The following AK5 variants were observed in gnomAD, a reference collection of about 807,000 sequenced individuals.
The protein encoded by AK5 is adenylate kinase isoenzyme 5.
Under a neutral mutation model 69.5 loss-of-function variants are expected in AK5, and 27 were observed. The observed-to-expected ratio is 0.39, with a 90% CI of 0.29 to 0.54. The LOEUF is 0.54. Among genes scored for constraint, AK5 ranks in the 20% least tolerant of loss-of-function variants. AK5 has a pLI of 0.71. For missense variants in AK5, 531 were observed against 700.4 expected (o/e 0.76, Z 2.73); for synonymous variants, 260 against 244.4 (o/e 1.06, Z -0.60).
At chr1:77,475,181 ATATATATATATATATG>A (rs1392226611) in intron 8 of AK5, among the ~76,000 whole-genome samples, 16 of 61,858 alleles carry the variant, frequency 2.6e-4, no homozygotes, top group East Asian at 8.1e-4. Context: ...ATATATATAT[ATATATATATATATATG>A]TGTGTGTGTG....
chr1:77,481,463 C>G (rs1042062157), intron 8 of AK5, among the ~76,000 whole-genome samples: 2 of 152,218 alleles, frequency 1.3e-5, no homozygotes, highest in Non-Finnish European at 1.5e-5. Flanking sequence ...GTTAATAGCT[C>G]TTCTCTTACC....
chr1:77,426,632 G>A (rs1651228509), intron 8 of AK5, among the ~76,000 whole-genome samples: 2 of 152,104 alleles, frequency 1.3e-5, no homozygotes, highest in Admixed American at 6.5e-5. Flanking sequence ...AACACCACCA[G>A]TCAACTGGAT....
At chr1:77,551,956 A>G (rs1659844470) in intron 13 of AK5, among the ~76,000 whole-genome samples, 1 of 152,214 alleles carries the variant, frequency 6.6e-6, no homozygotes, top group South Asian at 2.1e-4. Context: ...GATGTTGACA[A>G]AGGTTCTCTG....
chr1:77,329,817 A>G (rs983103113), intron 5 of AK5, among the ~76,000 whole-genome samples: 4 of 152,132 alleles, frequency 2.6e-5, no homozygotes, highest in Non-Finnish European at 4.4e-5. Context: ...TTGCCGTGCT[A>G]TTGTCACAAA....
chr1:77,535,951 C>G lies in AK5; in HGVS notation c.1533C>G (p.Thr511=). 1 of 1,614,114 alleles carries G rather than the reference C, an allele frequency of 6.2e-7. No individual in the cohort carries two copies. The highest frequency in any genetic ancestry group is 8.5e-7 in the Non-Finnish European group (1 of 1,180,024). Residue 511 remains threonine (T), a synonymous_variant, in exon 13 of 14, where the codon ACC becomes ACG. Transcript: ENST00000354567. ...SRSSLPVDDT[T]KTIAKRLEAY... ...GCAGCCTGCCTGTGGACGACACCAC[C>G]AAGACCATCGCCAAGCGCCTAGAAG...
intron 8 of AK5, among the ~76,000 whole-genome samples, chr1:77,436,866 C>T (rs1471593935): frequency 1.3e-5 from 2 of 152,034 alleles, no homozygotes; most frequent in Non-Finnish European, 2.9e-5. Flanking sequence ...AACTAAGAAC[C>T]ATAAAGTTAA....
At chr1:77,363,774 C>T (rs1646905229) in intron 6 of AK5, among the ~76,000 whole-genome samples, 2 of 152,128 alleles carry the variant, frequency 1.3e-5, no homozygotes, top group African/African-American at 4.8e-5. Flanking sequence ...AGTCTTTGTT[C>T]AAATGTTACC....
At chr1:77,537,164 T>C (rs1210319797) in intron 13 of AK5, among the ~76,000 whole-genome samples, 1 of 150,942 alleles carries the variant, frequency 6.6e-6, no homozygotes, top group East Asian at 1.9e-4. Flanking sequence ...TTTCCTCCAG[T>C]GTAAGGGGAA....
At chr1:77,486,486 G>C in intron 10 of AK5, 134 bp downstream of exon 10, 1 of 536,632 alleles carries the variant, frequency 1.9e-6, no homozygotes. Context: ...ACGAGGTCAG[G>C]AGATCGAGAC....
At chr1:77,324,284 G>C (rs1660675356) in intron 5 of AK5, among the ~76,000 whole-genome samples, 1 of 124,026 alleles carries the variant, frequency 8.1e-6, no homozygotes, top group Non-Finnish European at 1.7e-5. Context: ...AATTAATTAA[G>C]TGTGGAACAT....
chr1:77,478,931 T>G (rs927015797), intron 8 of AK5, among the ~76,000 whole-genome samples: 10 of 152,112 alleles, frequency 6.6e-5, no homozygotes, highest in Non-Finnish European at 1.2e-4. Context: ...AAAGTAGTTT[T>G]TTTTTTTTTT....
chr1:77,516,247 C>T (rs1029124796), intron 10 of AK5, among the ~76,000 whole-genome samples: 5 of 152,010 alleles, frequency 3.3e-5, no homozygotes, highest in Non-Finnish European at 5.9e-5. Flanking sequence ...CTCACGTGTA[C>T]GTGGAATCAT....
At chr1:77,549,392 C>T (rs1659697926) in intron 13 of AK5, among the ~76,000 whole-genome samples, 1 of 152,052 alleles carries the variant, frequency 6.6e-6, no homozygotes, top group Non-Finnish European at 1.5e-5. Flanking sequence ...ATGTTAGGAT[C>T]ACGTCAGGGT....
chr1:77,475,803 T>C (rs1228136168), intron 8 of AK5, among the ~76,000 whole-genome samples: 1 of 151,972 alleles, frequency 6.6e-6, no homozygotes, highest in Non-Finnish European at 1.5e-5. Context: ...ATGGGAACTT[T>C]GCCCCTTCCT....
intron 6 of AK5, among the ~76,000 whole-genome samples, chr1:77,375,256 G>A (rs967971780): frequency 9.7e-5 from 13 of 134,506 alleles, no homozygotes; most frequent in Non-Finnish European, 1.5e-4. Flanking sequence ...ATCAACCTAA[G>A]CAGGAATTAC....
At chr1:77,413,263 GA>G (rs1042391854) in intron 7 of AK5, among the ~76,000 whole-genome samples, 1 of 152,026 alleles carries the variant, frequency 6.6e-6, no homozygotes, top group Non-Finnish European at 1.5e-5. Flanking sequence ...TCTCTGCTTA[GA>G]AAATGCCTCT....
rs946589229 is a variant in AK5 at position 77,548,966 on chromosome 1, C to T, written c.1621-9636C>T. On this transcript the variant is annotated intron_variant, in intron 13 of 13. Coordinates refer to ENST00000354567, the MANE Select transcript of AK5 (RefSeq NM_174858.3). ...ACTCTGCTCACTGCAACCTCCGCCTCTCGGGGTCAAGCGATTCTCCTGCCT... is the reference window on the plus strand; with the variant it reads ...ACTCTGCTCACTGCAACCTCCGCCTTTCGGGGTCAAGCGATTCTCCTGCCT... 2.1e-5 allele frequency among the ~76,000 whole-genome samples: 3 copies of T among 139,984 alleles called. No homozygotes were observed. In the East Asian group the frequency reaches 6.5e-4, roughly 30 times the overall value. The allele number at this position is 139,984 out of a possible 152,430, so 91.8% of individuals were successfully genotyped here. A position where few individuals can be genotyped will look rare whatever the true frequency, so the allele number is the denominator to read the frequency against.
At chr1:77,521,101 T>C (rs1657954617) in intron 11 of AK5, among the ~76,000 whole-genome samples, 1 of 152,072 alleles carries the variant, frequency 6.6e-6, no homozygotes, top group African/African-American at 2.4e-5. Context: ...TCAAATTTTA[T>C]AAAATATTTA....
intron 8 of AK5, chr1:77,417,966 A>C (rs1469284362): frequency 3.0e-6 from 1 of 337,000 alleles, no homozygotes; most frequent in Non-Finnish European, 5.5e-6. Context: ...TTAACATGGG[A>C]TAGAAATGAG....
Sources: allele counts gnomAD v4.1 joint callset (sites outside exome capture counted in the v4.1 genomes callset), GRCh38; gene constraint gnomAD v4.1.1; transcripts MANE v1.5; gene names NCBI Gene and HGNC (gene_info 2026-07-23, HGNC 2026-07-21).